FBF1: variants seen among roughly 807,000 people sequenced by gnomAD.
FBF1 encodes Fas binding factor 1.
In FBF1, 119 loss-of-function variants were observed where a neutral mutation model predicts 147.2. That is an observed-to-expected ratio of 0.81 (90% confidence interval 0.70 to 0.94). FBF1 has a LOEUF of 0.94. FBF1 is among the 40% of genes least tolerant of loss of function. FBF1 has a pLI of 0.00. For synonymous variants in FBF1, 601 were observed against 609.0 expected (o/e 0.99, Z 0.19); for missense variants, 1,449 against 1,500.8 (o/e 0.97, Z 0.57).
intron 23 of FBF1, among the ~76,000 whole-genome samples, chr17:75,915,424 C>G (rs1015922831): frequency 7.9e-5 from 12 of 152,202 alleles, no homozygotes; most frequent in African/African-American, 2.9e-4. Context: ...AACATCCCTG[C>G]CGCTGAATCG....
At chr17:75,912,148 AG>A (rs1445076290) in intron 29 of FBF1, 43 bp downstream of exon 29, 1 of 1,546,694 alleles carries the variant, frequency 6.5e-7, no homozygotes, top group South Asian at 1.2e-5. Flanking sequence ...CTGAGCTGGA[AG>A]GACTCGTGAA....
At position 75,910,598 on chromosome 17, in the gene FBF1, A is replaced by G; in HGVS notation, c.*125T>C. 2.5e-6 allele frequency: 2 copies of G among 794,796 alleles called. No individual in the cohort carries two copies. Among genetic ancestry groups the G allele is most frequent in the South Asian group, 3.4e-5 (2 of 59,310 alleles). The allele number at this position is 794,796 out of a possible 1,614,324, so 49.2% of individuals were successfully genotyped here. On this transcript the variant is annotated 3_prime_UTR_variant, in exon 30 of 30. Transcript: ENST00000636174. The surrounding 1 kb of genome is among the most constrained non-coding windows in gnomAD (Gnocchi z 4.1). ...GATGCACTTGCACCCTGTCCACGGA[A>G]GAGCTGTCATCAGGCCTCAAGCATC... is the stretch of plus-strand genomic sequence containing the variant.
chr17:75,923,167 C>T lies in FBF1; in HGVS notation c.1424+19G>A, dbSNP rs1173954952. On this transcript the variant is annotated intron_variant, in intron 14 of 29. Transcript: ENST00000636174. This position sits in a 1 kb window ranked among gnomAD's most constrained non-coding sequence, Gnocchi z 4.1. ...CAGCCAGTCCTCCCCCTACTAGCCACAGCAGCCTAAGTCAGTACCTGCCAG... is the reference window on the plus strand; with the variant it reads ...CAGCCAGTCCTCCCCCTACTAGCCATAGCAGCCTAAGTCAGTACCTGCCAG... 3.2e-6 allele frequency: 5 copies of T among 1,547,156 alleles called. No homozygotes were observed. In the Admixed American group the frequency reaches 7.8e-5, roughly 24 times the overall value.
In FBF1 at chr17:75,920,103, C is replaced by T. The variant is rs758649435; in HGVS notation, c.1835G>A (p.Arg612Gln). ...CTGGGCCCGTTCTAGCTCCAGCTTC[C>T]GCACCTGGGAGACAGCAGGAGGGCC... ...ARLAELEAQV[R>Q]KLELERAQHE... is the part of the protein sequence containing the mutation. Residue 612 changes from arginine to glutamine, a missense_variant, in exon 19 of 30, where the codon CGG (arginine) becomes CAG (glutamine). Physicochemically the swap from Arg to Gln is conservative, Grantham distance 43. Coordinates refer to ENST00000636174, the MANE Select transcript of FBF1 (RefSeq NM_001319193.2). The T allele has an allele frequency of 2.5e-6, 4 of 1,583,830 alleles. No individual in the cohort carries two copies. Among genetic ancestry groups the T allele is most frequent in the Admixed American group, 1.8e-5 (1 of 55,036 alleles).
In FBF1 at chr17:75,917,838, C is replaced by T. The variant is rs201452359; in HGVS notation, c.2399G>A (p.Arg800Gln). The T allele has an allele frequency of 4.3e-5, 69 of 1,606,066 alleles. No individual in the cohort carries two copies. The highest frequency in any genetic ancestry group is 2.8e-4 in the African/African-American group (21 of 74,770). ...CATGTCCCGCTGCTGCTGGCCCAGCCGCTCCTGCAGTGCTGGGGGCAACCC... is the reference window on the plus strand; with the variant it reads ...CATGTCCCGCTGCTGCTGGCCCAGCTGCTCCTGCAGTGCTGGGGGCAACCC... Reference protein sequence around the residue: ...RDEQLRALQERLGQQQRDMEE... With the variant: ...RDEQLRALQEQLGQQQRDMEE... Residue 800 changes from arginine (R) to glutamine (Q), a missense_variant, in exon 23 of 30, where the codon CGG becomes CAG. Transcript: ENST00000636174.
At position 75,922,810 on chromosome 17, in the gene FBF1, G is replaced by C. The variant is rs975277174; in HGVS notation, c.1424+376C>G. On this transcript the variant is annotated intron_variant, in intron 14 of 29. Transcript: ENST00000636174. The surrounding 1 kb of genome is among the most constrained non-coding windows in gnomAD (Gnocchi z 5.0). ...ACGCCATACTCGCTTCAGTGGAGTC[G>C]GCAGAAGCACCGGCTGTTTGGATGC... is the stretch of plus-strand genomic sequence containing the variant. Among the ~76,000 whole-genome samples the C allele has an allele frequency of 5.3e-5, 8 of 152,234 alleles. No homozygotes were observed. The highest frequency in any genetic ancestry group is 2.9e-5 in the Non-Finnish European group (2 of 68,052).
At position 75,918,085 on chromosome 17, in the gene FBF1, G is replaced by A. The variant is rs777687249; in HGVS notation, c.2247-15C>T. ...TATTCAGGGACCTGGAAGAAGACTG[G>A]GTCACCCCCTCCTGACGGTCTCGGG... On this transcript the variant is annotated splice_polypyrimidine_tract_variant and intron_variant, in intron 21 of 29. Transcript: ENST00000636174. This position sits in a 1 kb window ranked among gnomAD's most constrained non-coding sequence, Gnocchi z 5.8. 1.9e-6 allele frequency: 3 copies of A among 1,606,530 alleles called. No homozygotes were observed. Among genetic ancestry groups the A allele is most frequent in the Non-Finnish European group, 2.6e-6 (3 of 1,175,298 alleles).
rs146504063 is a variant in FBF1 at position 75,933,803 on chromosome 17, GA to G, written c.74-716del. On this transcript the variant is annotated intron_variant, in intron 4 of 29. Transcript: ENST00000636174. Reference sequence around the variant, plus strand: ...ATATACACGTGGCCAATAAACACATGAAAAGATGCTGAACATCATTAGTCAT... The same window carrying G: ...ATATACACGTGGCCAATAAACACATGAAAGATGCTGAACATCATTAGTCAT... Among the ~76,000 whole-genome samples the G allele has an allele frequency of 7.8e-3, 1,192 of 152,284 alleles. 10 individuals carry two copies. Among genetic ancestry groups the G allele is most frequent in the East Asian group, 0.027 (140 of 5,186 alleles).
In FBF1 at chr17:75,940,177, G is replaced by A. The variant is rs748990927; in HGVS notation, c.-84+671C>T. Among the ~76,000 whole-genome samples, 8 of 151,794 alleles carry A rather than the reference G, an allele frequency of 5.3e-5. No individual in the cohort carries two copies. The South Asian group carries it at 8.3e-4, about 16-fold the overall frequency. ...CAGGAGGTCTCGAACTCCTGACCTC[G>A]TGATCTGCCCGTCTCGGCCTCCCAA... is the stretch of plus-strand genomic sequence containing the variant. On this transcript the variant is annotated intron_variant, in intron 1 of 29. Coordinates refer to ENST00000636174, the MANE Select transcript of FBF1 (RefSeq NM_001319193.2).
In FBF1 at chr17:75,926,147, C is replaced by A. The variant is rs772589799; in HGVS notation, c.751G>T (p.Ala251Ser). 1.9e-6 allele frequency: 3 copies of A among 1,608,474 alleles called. No individual in the cohort carries two copies. Among genetic ancestry groups the A allele is most frequent in the Admixed American group, 1.7e-5 (1 of 59,070 alleles). Residue 251 changes from alanine (A) to serine (S), a missense_variant, in exon 12 of 30, where the codon GCT becomes TCT. Coordinates refer to ENST00000636174, the MANE Select transcript of FBF1 (RefSeq NM_001319193.2). ...QIGDQEGPRP[A>S]RSTLDELLGR... ...AGCAGCTCATCCAGCGTGGAGCGAG[C>A]AGGGCGAGGCCCTTCCCTGCAGGAC...
chr17:75,910,849 AGAGG>A lies in FBF1; in HGVS notation c.3364-47_3364-44del, dbSNP rs1382120929. ...ATGGGCGGTCACCTTCCCTGAGCTGAGAGGGAGGTGGAGCCCTGGATGCTAGCTG... is the reference window on the plus strand; with the variant it reads ...ATGGGCGGTCACCTTCCCTGAGCTGAGAGGTGGAGCCCTGGATGCTAGCTG... On this transcript the variant is annotated intron_variant, in intron 29 of 29. Transcript: ENST00000636174. This position sits in a 1 kb window ranked among gnomAD's most constrained non-coding sequence, Gnocchi z 4.1. 1 of 1,524,124 alleles carries A rather than the reference AGAGG, an allele frequency of 6.6e-7. No homozygotes were observed. The highest frequency in any genetic ancestry group is 1.4e-5 in the African/African-American group (1 of 73,038). 94.4% of individuals were successfully genotyped at this position (1,524,124 alleles called of 1,614,324 possible).
chr17:75,939,328 A>G (rs1409087911), intron 1 of FBF1, among the ~76,000 whole-genome samples: 1 of 146,342 alleles, frequency 6.8e-6, no homozygotes, highest in Non-Finnish European at 1.5e-5. Context: ...CGTGCTCTGG[A>G]TAACTTAATG....
In FBF1 at chr17:75,932,975, C is replaced by T. The variant is rs1441362114; in HGVS notation, c.167+20G>A. 2 of 1,565,192 alleles carry T rather than the reference C, an allele frequency of 1.3e-6. No individual in the cohort carries two copies. The highest frequency in any genetic ancestry group is 1.8e-6 in the Non-Finnish European group (2 of 1,141,874). On this transcript the variant is annotated intron_variant, in intron 5 of 29. Transcript: ENST00000636174. ...TAGACTGAAGTAGGTCATGGATACC[C>T]AGTCGGACCCTGCCCTTACTTTGTT...
chr17:75,911,895 T>C (rs1234087979), intron 29 of FBF1, among the ~76,000 whole-genome samples: 1 of 152,160 alleles, frequency 6.6e-6, no homozygotes, highest in Non-Finnish European at 1.5e-5. Flanking sequence ...CAAGTGATCC[T>C]CCTGCTTCAA....
In FBF1 at chr17:75,922,055, A is replaced by G; in HGVS notation, c.1425-9T>C. 1 of 1,551,588 alleles carries G rather than the reference A, an allele frequency of 6.4e-7. No individual in the cohort carries two copies. Among genetic ancestry groups the G allele is most frequent in the East Asian group, 2.4e-5 (1 of 40,910 alleles). On this transcript the variant is annotated splice_polypyrimidine_tract_variant and intron_variant, in intron 14 of 29. Coordinates refer to ENST00000636174, the MANE Select transcript of FBF1 (RefSeq NM_001319193.2). This position sits in a 1 kb window ranked among gnomAD's most constrained non-coding sequence, Gnocchi z 5.0. ...TGCTGGTGAGAGGTTGGCTGAGGAA[A>G]GGCAGCGTTCAAGGTGAAGGTGACA...
intron 1 of FBF1, among the ~76,000 whole-genome samples, chr17:75,939,464 G>A (rs1262032681): frequency 6.6e-6 from 1 of 152,196 alleles, no homozygotes; most frequent in Non-Finnish European, 1.5e-5. Flanking sequence ...CACCAAGGCT[G>A]AAACCCTTTC....
rs1956573210 is a variant in FBF1, at chr17:75,925,762, A to G, written c.868+268T>C. 6.6e-6 allele frequency among the ~76,000 whole-genome samples: 1 copy of G among 152,232 alleles called. No individual in the cohort carries two copies. The highest frequency in any genetic ancestry group is 1.5e-5 in the Non-Finnish European group (1 of 68,036). On this transcript the variant is annotated intron_variant, in intron 12 of 29. Coordinates refer to ENST00000636174, the MANE Select transcript of FBF1 (RefSeq NM_001319193.2). This position sits in a 1 kb window ranked among gnomAD's most constrained non-coding sequence, Gnocchi z 5.0. ...CAGTGCTTTTCAAATGCGAGCTGCT[A>G]CCCATGAGAGGGCTGAGAAACCAGC... is the stretch of plus-strand genomic sequence containing the variant.
In FBF1 at chr17:75,923,294, C is replaced by A; in HGVS notation, c.1316G>T (p.Ser439Ile). The A allele has an allele frequency of 6.3e-7, 1 of 1,591,832 alleles. No homozygotes were observed. Among genetic ancestry groups the A allele is most frequent in the African/African-American group, 1.3e-5 (1 of 74,680 alleles). ...ASKEEKEDWL[S>I]HALSRKKSQG... is the part of the protein sequence containing the mutation. ...GGACTTCTTCCGAGACAGGGCATGG[C>A]TCAGCCAGTCCTCTTTCTCCTCCTT... Residue 439 changes from serine (S) to isoleucine (I), a missense_variant, in exon 14 of 30, where the codon AGC (serine) becomes ATC (isoleucine). By Grantham distance (142) the Ser-to-Ile change is moderately radical. Transcript: ENST00000636174. The surrounding 1 kb of genome is among the most constrained non-coding windows in gnomAD (Gnocchi z 4.1).
intron 4 of FBF1, among the ~76,000 whole-genome samples, chr17:75,933,528 G>A (rs541898574): frequency 3.9e-5 from 6 of 152,140 alleles, no homozygotes; most frequent in Admixed American, 6.5e-5. Context: ...CTGAAATTGC[G>A]CCACTGCACT....
Sources: gnomAD v4.1 joint callset for allele counts (sites outside exome capture counted in the v4.1 genomes callset) on GRCh38, gnomAD v4.1.1 for gene constraint, Gnocchi (gnomAD v3.1) non-coding constraint, MANE v1.5 for transcripts, NCBI Gene and HGNC (gene_info 2026-07-23, HGNC 2026-07-21) for gene names.